CDH12: variants seen among roughly 807,000 people sequenced by gnomAD.
CDH12 encodes cadherin 12.
In CDH12, 41 loss-of-function variants were observed where a neutral mutation model predicts 74.1. That is an observed-to-expected ratio of 0.55 (90% CI 0.43 to 0.72). The LOEUF is 0.72. CDH12 is among the 30% of genes least tolerant of loss of function. The pLI is 0.00. For synonymous variants in CDH12, 399 were observed against 355.0 expected (o/e 1.12, Z -1.39); for missense variants, 945 against 977.2 (o/e 0.97, Z 0.44).
intron 12 of CDH12, among the ~76,000 whole-genome samples, chr5:21,763,344 C>A (rs1374040817): frequency 6.6e-6 from 1 of 152,066 alleles, no homozygotes; most frequent in Non-Finnish European, 1.5e-5. Flanking sequence ...TTTTTAGTTT[C>A]ACGTAATTTT....
At chr5:21,825,171 A>G (rs565388787) in intron 8 of CDH12, among the ~76,000 whole-genome samples, 34 of 151,870 alleles carry the variant, frequency 2.2e-4, no homozygotes, top group Admixed American at 6.6e-4. Flanking sequence ...AAAAAAAAGA[A>G]AAAAAACTAA....
chr5:22,121,758 T>A (rs114725645), intron 4 of CDH12, among the ~76,000 whole-genome samples: 1,750 of 152,260 alleles, frequency 0.011, 36 homozygotes, highest in African/African-American at 0.04. Context: ...GTCTTTAGTA[T>A]ATAGCTACAA....
chr5:22,748,807 A>G (rs1001932245), intron 1 of CDH12, among the ~76,000 whole-genome samples: 24 of 152,186 alleles, frequency 1.6e-4, no homozygotes, highest in African/African-American at 4.3e-4. Flanking sequence ...CTGTTTCATT[A>G]CATTTTAGTG....
intron 1 of CDH12, among the ~76,000 whole-genome samples, chr5:22,566,280 G>A (rs1480664902): frequency 7.1e-6 from 1 of 141,106 alleles, no homozygotes; most frequent in African/African-American, 2.7e-5. Context: ...CTCTGTTGCT[G>A]AGGCTGGAGT....
intron 3 of CDH12, among the ~76,000 whole-genome samples, chr5:22,239,062 C>T (rs1249934355): frequency 1.3e-5 from 2 of 152,158 alleles, no homozygotes; most frequent in South Asian, 2.1e-4. Context: ...ATGGTTTTGT[C>T]TCAGCCTGGT....
At chr5:22,595,190 G>T (rs535424586) in intron 1 of CDH12, among the ~76,000 whole-genome samples, 2 of 152,050 alleles carry the variant, frequency 1.3e-5, no homozygotes, top group South Asian at 2.1e-4. Context: ...TATGGTGTTG[G>T]TTCTCTCTGA....
intron 6 of CDH12, among the ~76,000 whole-genome samples, chr5:21,898,814 A>G (rs938460356): frequency 1.1e-4 from 17 of 152,170 alleles, no homozygotes; most frequent in African/African-American, 3.4e-4. Context: ...GTCAAGCTGA[A>G]TGGAGAGATG....
chr5:22,278,488 T>C (rs1736734945), intron 3 of CDH12, among the ~76,000 whole-genome samples: 1 of 152,150 alleles, frequency 6.6e-6, no homozygotes, highest in Non-Finnish European at 1.5e-5. Context: ...ACAAATCACC[T>C]AAATCTGCTG....
At chr5:22,152,892 C>CT (rs1423855108) in intron 4 of CDH12, among the ~76,000 whole-genome samples, 1 of 152,168 alleles carries the variant, frequency 6.6e-6, no homozygotes. Context: ...GCTTATTTCA[C>CT]TTAACGTAAC....
intron 3 of CDH12, among the ~76,000 whole-genome samples, chr5:22,344,415 C>A (rs1391880769): frequency 1.3e-5 from 2 of 151,986 alleles, no homozygotes; most frequent in Non-Finnish European, 2.9e-5. Flanking sequence ...AAAATAATAA[C>A]AATATGAATG....
At chr5:22,017,548 A>G (rs1482165437) in intron 5 of CDH12, among the ~76,000 whole-genome samples, 3 of 152,152 alleles carry the variant, frequency 2.0e-5, no homozygotes, top group Non-Finnish European at 4.4e-5. Context: ...AACCCTGAAA[A>G]TGATTCAAAT....
chr5:22,302,994 A>G (rs945739409), intron 3 of CDH12, among the ~76,000 whole-genome samples: 2 of 152,146 alleles, frequency 1.3e-5, no homozygotes, highest in African/African-American at 2.4e-5. Flanking sequence ...AGAAGTGTAT[A>G]CTGCTTTGGC....
chr5:22,618,220 A>G (rs1737786621), intron 1 of CDH12, among the ~76,000 whole-genome samples: 1 of 152,142 alleles, frequency 6.6e-6, no homozygotes, highest in African/African-American at 2.4e-5. Flanking sequence ...ACACACATGA[A>G]TCCACTGTGA....
chr5:22,578,301 G>A (rs1270306055), intron 1 of CDH12, among the ~76,000 whole-genome samples: 1 of 151,548 alleles, frequency 6.6e-6, no homozygotes, highest in Non-Finnish European at 1.5e-5. Context: ...GTTCCAAAAG[G>A]GGTATAAAAT....
At chr5:21,948,983 G>A (rs867862680) in intron 6 of CDH12, among the ~76,000 whole-genome samples, 182 of 151,866 alleles carry the variant, frequency 1.2e-3, no homozygotes, top group African/African-American at 4.1e-3. Context: ...ATGACTGTAA[G>A]TTCCATGAGG....
chr5:21,883,158 A>C, intron 6 of CDH12: 1 of 1,516,842 alleles, frequency 6.6e-7, no homozygotes, highest in South Asian at 1.1e-5. Flanking sequence ...CTCTGATGCA[A>C]TGAAAAAGGT....
chr5:22,681,364 A>AT (rs944001253), intron 1 of CDH12, among the ~76,000 whole-genome samples: 2 of 150,814 alleles, frequency 1.3e-5, no homozygotes, highest in Admixed American at 1.3e-4. Context: ...GCCATGTTTC[A>AT]TTTTTTTCCT....
intron 4 of CDH12, among the ~76,000 whole-genome samples, chr5:22,175,095 A>C (rs955929522): frequency 6.6e-6 from 1 of 151,984 alleles, no homozygotes; most frequent in Admixed American, 6.6e-5. Flanking sequence ...ACATACAAAA[A>C]CCCTCATTCT....
intron 6 of CDH12, among the ~76,000 whole-genome samples, chr5:21,861,816 A>G (rs1264651418): frequency 6.6e-6 from 1 of 151,878 alleles, no homozygotes; most frequent in Non-Finnish European, 1.5e-5. Context: ...ATTTTCTAAC[A>G]TTCTCATCAG....
Sources: allele counts gnomAD v4.1 joint callset (sites outside exome capture counted in the v4.1 genomes callset), GRCh38; gene constraint gnomAD v4.1.1; transcripts MANE v1.5; gene names NCBI Gene and HGNC (gene_info 2026-07-23, HGNC 2026-07-21).